DNAJC1: variants seen among roughly 807,000 people sequenced by gnomAD.
DNAJC1 encodes the protein dnaJ homolog subfamily C member 1.
Under a neutral mutation model 76.6 loss-of-function variants are expected in DNAJC1, and 58 were observed. That is an observed-to-expected ratio of 0.76 (90% CI 0.61 to 0.94). The LOEUF (loss-of-function observed/expected upper bound fraction) is 0.94. Among genes scored for constraint, DNAJC1 ranks in the 40% least tolerant of loss-of-function variants. The pLI, the probability that DNAJC1 is intolerant of heterozygous loss-of-function variation, is 0.00. For missense variants in DNAJC1, 689 were observed against 677.3 expected, an observed-to-expected ratio of 1.02 and a Z score of -0.19; for synonymous variants, 258 against 267.9, an observed-to-expected ratio of 0.96 and a Z score of 0.36.
intron 1 of DNAJC1, among the ~76,000 whole-genome samples, chr10:21,939,986 C>T (rs1043588502): frequency 1.1e-4 from 16 of 140,004 alleles, no homozygotes; most frequent in Non-Finnish European, 2.5e-4. Context: ...CCAAAACAAA[C>T]GTGTGTGTAT....
intron 7 of DNAJC1, 45 bp from the exon 8 acceptor site, chr10:21,882,484 T>A: frequency 1.6e-6 from 2 of 1,245,412 alleles, no homozygotes; most frequent in Non-Finnish European, 2.2e-6. Context: ...TTTTAAAGAA[T>A]AAAATTAATT....
At chr10:21,884,283 G>A (rs916760930) in intron 7 of DNAJC1, among the ~76,000 whole-genome samples, 2 of 152,086 alleles carry the variant, frequency 1.3e-5, no homozygotes, top group African/African-American at 4.8e-5. Flanking sequence ...ATCCACAATT[G>A]AGTGCCCACG....
At chr10:21,949,551 G>T (rs1837558537) in intron 1 of DNAJC1, among the ~76,000 whole-genome samples, 1 of 151,094 alleles carries the variant, frequency 6.6e-6, no homozygotes, top group Non-Finnish European at 1.5e-5. Context: ...CAAGTAGCTG[G>T]GATTACAGGC....
At chr10:21,911,524 T>C (rs567353205) in intron 6 of DNAJC1, among the ~76,000 whole-genome samples, 4 of 152,160 alleles carry the variant, frequency 2.6e-5, no homozygotes, top group African/African-American at 9.6e-5. Context: ...GTAATAAAAA[T>C]AAAACAGAAA....
intron 7 of DNAJC1, among the ~76,000 whole-genome samples, chr10:21,891,541 T>C (rs916953723): frequency 2.7e-5 from 4 of 148,630 alleles, no homozygotes; most frequent in Admixed American, 6.7e-5. Context: ...TTTGGGACTC[T>C]GAACAGCAAC....
intron 9 of DNAJC1, among the ~76,000 whole-genome samples, chr10:21,794,667 T>G (rs1182436634): frequency 6.6e-6 from 1 of 152,174 alleles, no homozygotes; most frequent in Admixed American, 6.5e-5. Flanking sequence ...GGAAAAGTTC[T>G]TAGGTATAAC....
intron 1 of DNAJC1, among the ~76,000 whole-genome samples, chr10:21,976,153 T>G (rs1838058696): frequency 6.6e-6 from 1 of 152,124 alleles, no homozygotes; most frequent in South Asian, 2.1e-4. Flanking sequence ...AGTAATAGAT[T>G]TATTGCTGGA....
chr10:21,892,461 T>C (rs1836476292), intron 7 of DNAJC1, among the ~76,000 whole-genome samples: 1 of 150,680 alleles, frequency 6.6e-6, no homozygotes, highest in Non-Finnish European at 1.5e-5. Context: ...AGAGAAATGA[T>C]AGAGAGAAAT....
rs938868588 is a variant in DNAJC1 at position 21,816,125 on chromosome 10, T to C, written c.979-10026A>G. On this transcript the variant is annotated intron_variant, in intron 8 of 11. Coordinates refer to ENST00000376980, the MANE Select transcript of DNAJC1 (RefSeq NM_022365.4). ...ATGGGCACCTGTAATCCCAGCACTT[T>C]GGTGGGCTGAGGCGGGGGGATCACC... Among the ~76,000 whole-genome samples, 4 of 150,416 alleles carry C rather than the reference T, an allele frequency of 2.7e-5. No homozygotes were observed. In the South Asian group the frequency reaches 8.6e-4, roughly 32 times the overall value.
intron 3 of DNAJC1, among the ~76,000 whole-genome samples, chr10:21,924,493 A>G (rs1272146777): frequency 6.6e-6 from 1 of 152,194 alleles, no homozygotes; most frequent in African/African-American, 2.4e-5. Flanking sequence ...AGGTATGTTA[A>G]TATTACTAAA....
chr10:21,881,175 A>T (rs1836269298), intron 8 of DNAJC1, among the ~76,000 whole-genome samples: 1 of 152,174 alleles, frequency 6.6e-6, no homozygotes, highest in Admixed American at 6.5e-5. Flanking sequence ...ATTGCTCTGG[A>T]TTAGGCTTTG....
intron 8 of DNAJC1, among the ~76,000 whole-genome samples, chr10:21,846,879 C>CT (rs777182871): frequency 0.012 from 1,692 of 135,640 alleles, 35 homozygotes; most frequent in African/African-American, 0.034. Context: ...TGGATAATGA[C>CT]TTTTTTTTTT....
intron 6 of DNAJC1, among the ~76,000 whole-genome samples, chr10:21,908,280 A>T: frequency 8.1e-6 from 1 of 123,160 alleles, no homozygotes; most frequent in African/African-American, 3.1e-5. Context: ...TTATATATAT[A>T]TATATATAAG....
At chr10:21,780,427 T>C (rs1022777477) in intron 9 of DNAJC1, among the ~76,000 whole-genome samples, 4 of 152,186 alleles carry the variant, frequency 2.6e-5, no homozygotes, top group African/African-American at 7.2e-5. Flanking sequence ...CAGAAGACAG[T>C]GGGGGCCAAT....
At chr10:21,857,986 C>G (rs1835865128) in intron 8 of DNAJC1, among the ~76,000 whole-genome samples, 2 of 152,092 alleles carry the variant, frequency 1.3e-5, no homozygotes, top group African/African-American at 2.4e-5. Context: ...GCAATTCTTA[C>G]TGAATTATAT....
At chr10:21,945,378 A>G (rs549586791) in intron 1 of DNAJC1, among the ~76,000 whole-genome samples, 19 of 152,262 alleles carry the variant, frequency 1.2e-4, no homozygotes, top group African/African-American at 4.6e-4. Flanking sequence ...GCTGAGAGAG[A>G]CTTTCTTTTC....
intron 1 of DNAJC1, among the ~76,000 whole-genome samples, chr10:21,931,486 A>G (rs1837223451): frequency 6.6e-6 from 1 of 152,194 alleles, no homozygotes; most frequent in African/African-American, 2.4e-5. Flanking sequence ...TATTTATTTA[A>G]TATTAGGTAC....
At chr10:21,847,969 C>A (rs1835688115) in intron 8 of DNAJC1, among the ~76,000 whole-genome samples, 1 of 152,122 alleles carries the variant, frequency 6.6e-6, no homozygotes, top group Non-Finnish European at 1.5e-5. Flanking sequence ...CTTTTGGATA[C>A]ATACCCAGCA....
chr10:21,827,443 T>C (rs1159339595), intron 8 of DNAJC1, among the ~76,000 whole-genome samples: 1 of 152,180 alleles, frequency 6.6e-6, no homozygotes, highest in Non-Finnish European at 1.5e-5. Flanking sequence ...TGGTTTAAAA[T>C]AACAGAAATT....
Sources: gnomAD v4.1 joint callset for allele counts (sites outside exome capture counted in the v4.1 genomes callset) on GRCh38, gnomAD v4.1.1 for gene constraint, MANE v1.5 for transcripts, NCBI Gene and HGNC (gene_info 2026-07-23, HGNC 2026-07-21) for gene names.